Variants in PCDH9 observed in about 807,000 individuals in gnomAD.
PCDH9 encodes protocadherin 9, also known as protocadherin-9.
PCDH9 carries 24 observed loss-of-function variants against 70.6 expected under a neutral mutation model. That is an observed-to-expected ratio of 0.34 (90% CI 0.25 to 0.48). The LOEUF (loss-of-function observed/expected upper bound fraction) is 0.48. Ranked by LOEUF, PCDH9 falls within the 20% of genes least tolerant of loss-of-function variation. The pLI is 0.99. For missense variants in PCDH9, 1,281 were observed against 1,503.6 expected, an observed-to-expected ratio of 0.85 and a Z score of 2.45; for synonymous variants, 562 against 558.5, an observed-to-expected ratio of 1.01 and a Z score of -0.09.
At chr13:67,155,768 T>C (rs1211706609) in intron 2 of PCDH9, among the ~76,000 whole-genome samples, 1 of 152,004 alleles carries the variant, frequency 6.6e-6, no homozygotes, top group Non-Finnish European at 1.5e-5. Context: ...AGCTGTTTTG[T>C]GGGAATAATA....
At chr13:66,729,899 A>T (rs772816801) in intron 3 of PCDH9, among the ~76,000 whole-genome samples, 1 of 152,204 alleles carries the variant, frequency 6.6e-6, no homozygotes, top group Non-Finnish European at 1.5e-5. Context: ...GACTTCCCAG[A>T]GTAGACTATA....
chr13:66,397,905 C>T (rs927963501), intron 4 of PCDH9, among the ~76,000 whole-genome samples: 1 of 151,552 alleles, frequency 6.6e-6, no homozygotes, highest in Non-Finnish European at 1.5e-5. Flanking sequence ...TTATTGTTGT[C>T]TTTGTGAAGT....
chr13:66,622,746 T>A (rs958401408), intron 4 of PCDH9, among the ~76,000 whole-genome samples: 3 of 152,144 alleles, frequency 2.0e-5, no homozygotes, highest in Non-Finnish European at 2.9e-5. Flanking sequence ...TGGGGCCAGA[T>A]AAGAGAATAA....
intron 4 of PCDH9, among the ~76,000 whole-genome samples, chr13:66,506,773 G>C (rs191811523): frequency 6.6e-6 from 1 of 152,184 alleles, no homozygotes; most frequent in African/African-American, 2.4e-5. Flanking sequence ...ATGCAAATTA[G>C]GTTTAGACGC....
intron 2 of PCDH9, among the ~76,000 whole-genome samples, chr13:66,932,484 A>G (rs1374282009): frequency 6.6e-6 from 1 of 152,100 alleles, no homozygotes; most frequent in Non-Finnish European, 1.5e-5. Flanking sequence ...AATAGAAGAA[A>G]TAAATTCTGA....
chr13:66,492,330 C>T (rs1019100797), intron 4 of PCDH9, among the ~76,000 whole-genome samples: 3 of 151,586 alleles, frequency 2.0e-5, no homozygotes, highest in African/African-American at 7.3e-5. Context: ...TATCATTCAA[C>T]TTTTTCTCCA....
intron 4 of PCDH9, among the ~76,000 whole-genome samples, chr13:66,352,080 C>G (rs990470415): frequency 6.6e-6 from 1 of 152,182 alleles, no homozygotes; most frequent in South Asian, 2.1e-4. Flanking sequence ...AGGTGATCCA[C>G]CCGCCTCAGC....
chr13:67,228,648 C>T, intron 1 of PCDH9, 73 bp from the exon 2 acceptor site: 1 of 420,042 alleles, frequency 2.4e-6, no homozygotes. Flanking sequence ...TATCACCACA[C>T]ATTTTCCCCT....
intron 4 of PCDH9, chr13:66,323,174 G>T (rs1955784861): frequency 6.6e-6 from 1 of 151,904 alleles, no homozygotes. Context: ...TCTCTTTTAG[G>T]TTTGATGACT....
At chr13:66,548,894 T>C (rs1468435408) in intron 4 of PCDH9, among the ~76,000 whole-genome samples, 1 of 152,086 alleles carries the variant, frequency 6.6e-6, no homozygotes, top group Non-Finnish European at 1.5e-5. Flanking sequence ...ATAATGTTTT[T>C]TATTAAAACA....
chr13:66,975,254 C>G (rs898935755), intron 2 of PCDH9, among the ~76,000 whole-genome samples: 1 of 151,874 alleles, frequency 6.6e-6, no homozygotes, highest in Non-Finnish European at 1.5e-5. Flanking sequence ...TTACTTTTAA[C>G]GCTATTTGGA....
At chr13:67,151,767 G>C (rs2087668318) in intron 2 of PCDH9, among the ~76,000 whole-genome samples, 1 of 147,504 alleles carries the variant, frequency 6.8e-6, no homozygotes, top group Non-Finnish European at 1.5e-5. Flanking sequence ...ATTATGCTCA[G>C]GGACTTTATG....
chr13:66,353,343 A>G (rs1466241024), intron 4 of PCDH9, among the ~76,000 whole-genome samples: 1 of 152,212 alleles, frequency 6.6e-6, no homozygotes, highest in Non-Finnish European at 1.5e-5. Flanking sequence ...CTTAAAAAGT[A>G]GAATTTAAGA....
intron 3 of PCDH9, among the ~76,000 whole-genome samples, chr13:66,839,156 G>T (rs1287055148): frequency 6.6e-6 from 1 of 151,454 alleles, no homozygotes; most frequent in Non-Finnish European, 1.5e-5. Context: ...AGAATATTCT[G>T]AGATATATAT....
intron 2 of PCDH9, among the ~76,000 whole-genome samples, chr13:67,139,172 A>G (rs1057497972): frequency 6.6e-6 from 1 of 152,204 alleles, no homozygotes; most frequent in African/African-American, 2.4e-5. Flanking sequence ...CCCAAGTAAT[A>G]ACATAACCAT....
rs533099997 is a variant in PCDH9, at chr13:66,774,637, T to C, written c.3138+128867A>G. Among the ~76,000 whole-genome samples, 11 of 152,300 alleles carry C rather than the reference T, an allele frequency of 7.2e-5. No homozygotes were observed. The South Asian group carries it at 1.7e-3, about 23-fold the overall frequency. On this transcript the variant is annotated intron_variant, in intron 3 of 4. Transcript: ENST00000377865. The stretch of plus-strand genomic sequence containing the variant: ...TCATCAAGGTACCCACATTTGGGCA[T>C]TGTTTAGCCCTAGAGTTTTCATATC...
intron 3 of PCDH9, among the ~76,000 whole-genome samples, chr13:66,694,941 T>C (rs997754950): frequency 6.6e-6 from 1 of 151,520 alleles, no homozygotes; most frequent in Non-Finnish European, 1.5e-5. Flanking sequence ...TCTTGCTCTG[T>C]CGCCCAGGCT....
rs970975512 is a variant in PCDH9 at position 66,756,901 on chromosome 13, A to G, written c.3139-125490T>C. ...CCCAGGCTGGAGTGCAGTGGCTGCA[A>G]TCTTGGCTCACTGCAACCTCTGCCT... On this transcript the variant is annotated intron_variant, in intron 3 of 4. Transcript: ENST00000377865. 6.6e-5 allele frequency among the ~76,000 whole-genome samples: 10 copies of G among 152,196 alleles called. No homozygotes were observed. The South Asian group carries it at 1.5e-3, about 22-fold the overall frequency.
chr13:66,305,117 G>C (rs1042814537), intron 4 of PCDH9, 89 bp from the exon 5 acceptor site: 1 of 1,149,188 alleles, frequency 8.7e-7, no homozygotes, highest in Non-Finnish European at 1.2e-6. Context: ...TGTTATTAGT[G>C]ATCTTATTTT....
Sources: allele counts gnomAD v4.1 joint callset (sites outside exome capture counted in the v4.1 genomes callset), GRCh38; gene constraint gnomAD v4.1.1; transcripts MANE v1.5; gene names NCBI Gene and HGNC (gene_info 2026-07-23, HGNC 2026-07-21).